Variants in MAP4K5 observed in about 807,000 individuals in gnomAD.
MAP4K5 encodes MAPK/ERK kinase kinase kinase 5.
A neutral mutation model predicts 135.6 loss-of-function variants in MAP4K5; 82 were observed. The ratio of observed to expected loss-of-function variants is 0.60; its 90% CI spans 0.51 to 0.73. The LOEUF is 0.73. MAP4K5 is among the 30% of genes least tolerant of loss of function. MAP4K5 has a pLI of 0.00. For missense variants in MAP4K5, 907 were observed against 1,010.9 expected, an observed-to-expected ratio of 0.90 and a Z score of 1.39; for synonymous variants, 347 against 335.0, an observed-to-expected ratio of 1.04 and a Z score of -0.39.
intron 2 of MAP4K5, among the ~76,000 whole-genome samples, chr14:50,505,892 T>G (rs1434630557): frequency 1.3e-5 from 2 of 151,490 alleles, no homozygotes; most frequent in Admixed American, 1.3e-4. Context: ...TTTAAATGGA[T>G]TCTAAGATAC....
intron 9 of MAP4K5, chr14:50,471,820 T>G (rs1009449001): frequency 6.6e-6 from 1 of 152,170 alleles, no homozygotes; most frequent in Non-Finnish European, 1.5e-5. Flanking sequence ...ACAGAAACCC[T>G]ATAAATGTAA....
chr14:50,527,449 C>T (rs927715622), intron 2 of MAP4K5, among the ~76,000 whole-genome samples: 4 of 150,288 alleles, frequency 2.7e-5, no homozygotes, highest in Non-Finnish European at 5.9e-5. Flanking sequence ...GAATATTTAA[C>T]GACTAGGGAA....
intron 6 of MAP4K5, among the ~76,000 whole-genome samples, chr14:50,481,454 T>TAA (rs2037241295): frequency 6.6e-6 from 1 of 151,958 alleles, no homozygotes; most frequent in Non-Finnish European, 1.5e-5. Flanking sequence ...TGGAAAATAT[T>TAA]AGAGAACAAC....
In MAP4K5 at chr14:50,464,574, C is replaced by A. The variant is rs1326019074; in HGVS notation, c.738-441G>T. Among the ~76,000 whole-genome samples the A allele has an allele frequency of 2.0e-5, 3 of 152,020 alleles. No homozygotes were observed. The East Asian group carries it at 5.8e-4, about 29-fold the overall frequency. On this transcript the variant is annotated intron_variant, in intron 11 of 32. Transcript: ENST00000682126. The stretch of plus-strand genomic sequence containing the variant: ...CTGATGAATTTCTTAGAAAAAAAGG[C>A]AAAGAGGAGGGAGCAATTTTAGCAA...
chr14:50,543,373 C>A (rs2038590217), intron 1 of MAP4K5, among the ~76,000 whole-genome samples: 1 of 152,192 alleles, frequency 6.6e-6, no homozygotes, highest in African/African-American at 2.4e-5. Flanking sequence ...GGAAGAGTGA[C>A]CTGTCATCAT....
chr14:50,523,300 A>G (rs985953529), intron 2 of MAP4K5, among the ~76,000 whole-genome samples: 22 of 152,080 alleles, frequency 1.4e-4, no homozygotes, highest in Admixed American at 1.3e-3. Flanking sequence ...AACAAGAGCG[A>G]AACTCTGTCT....
chr14:50,510,745 C>T (rs1271548122), intron 2 of MAP4K5, among the ~76,000 whole-genome samples: 1 of 152,020 alleles, frequency 6.6e-6, no homozygotes, highest in Non-Finnish European at 1.5e-5. Flanking sequence ...TAATATAAAT[C>T]AGTGAAAGAT....
intron 14 of MAP4K5, among the ~76,000 whole-genome samples, chr14:50,452,094 A>C (rs1004631429): frequency 4.6e-5 from 7 of 152,190 alleles, no homozygotes; most frequent in Non-Finnish European, 7.4e-5. Context: ...CCTAACATTA[A>C]GTATTCTGAG....
rs909401549 is a variant in MAP4K5 at position 50,419,169 on chromosome 14, C to A, written c.*850G>T. 2.2e-4 allele frequency: 33 copies of A among 152,148 alleles called. No individual in the cohort carries two copies. The highest frequency in any genetic ancestry group is 7.9e-4 in the African/African-American group (33 of 41,514). 9.4% of individuals were successfully genotyped at this position (152,148 alleles called of 1,614,324 possible). A position where few individuals can be genotyped will look rare whatever the true frequency, so the allele number is the denominator to read the frequency against. On this transcript the variant is annotated 3_prime_UTR_variant, in exon 33 of 33. Coordinates refer to ENST00000682126, the MANE Select transcript of MAP4K5 (RefSeq NM_006575.6). ...AAGATTAATTCCTTATGCATTATCC[C>A]TAATGTAAAGAAAAATCACAGGTAT...
chr14:50,504,372 C>A (rs2037766737), intron 3 of MAP4K5, among the ~76,000 whole-genome samples: 1 of 152,062 alleles, frequency 6.6e-6, no homozygotes, highest in African/African-American at 2.4e-5. Flanking sequence ...TTCTGACACA[C>A]AGAAGTGTTA....
chr14:50,480,030 G>A lies in MAP4K5; in HGVS notation c.378+2331C>T, dbSNP rs78016417. Among the ~76,000 whole-genome samples, 552 of 152,154 alleles carry A rather than the reference G, an allele frequency of 3.6e-3. 3 individuals carry two copies. Among genetic ancestry groups the A allele is most frequent in the African/African-American group, 0.013 (519 of 41,512 alleles). On this transcript the variant is annotated intron_variant, in intron 6 of 32. Coordinates refer to ENST00000682126, the MANE Select transcript of MAP4K5 (RefSeq NM_006575.6). ...TATATTTTGCCTACTTTATTTGATT[G>A]TTTTGGGTAGCATGGTAAATCTACT...
chr14:50,440,244 C>G, intron 22 of MAP4K5, 118 bp downstream of exon 22: 1 of 810,012 alleles, frequency 1.2e-6, no homozygotes, highest in South Asian at 2.1e-5. Flanking sequence ...AATTTTATCC[C>G]TTTAAATATT....
chr14:50,455,580 A>G (rs1260610756), intron 14 of MAP4K5, among the ~76,000 whole-genome samples: 2 of 152,040 alleles, frequency 1.3e-5, no homozygotes, highest in Admixed American at 1.3e-4. Context: ...AACAACTGAG[A>G]AGGGAAAGAT....
At chr14:50,423,538 G>A (rs908075272) in intron 31 of MAP4K5, among the ~76,000 whole-genome samples, 4 of 151,868 alleles carry the variant, frequency 2.6e-5, no homozygotes, top group Non-Finnish European at 5.9e-5. Context: ...AGCTCCTTTG[G>A]GGGCCAAGGC....
chr14:50,537,381 G>T (rs186684036), upstream of MAP4K5, among the ~76,000 whole-genome samples: 35 of 152,342 alleles, frequency 2.3e-4, no homozygotes, highest in Admixed American at 1.8e-3. Flanking sequence ...TTCTGCAGGG[G>T]TAGTGCCCTC....
At chr14:50,517,695 G>T (rs533171379) in intron 2 of MAP4K5, among the ~76,000 whole-genome samples, 13 of 152,136 alleles carry the variant, frequency 8.5e-5, no homozygotes, top group Admixed American at 8.5e-4. Flanking sequence ...CTTCAACCCG[G>T]GAGGCGGAGG....
chr14:50,512,548 T>C (rs563615276), intron 2 of MAP4K5, among the ~76,000 whole-genome samples: 8 of 152,274 alleles, frequency 5.3e-5, no homozygotes, highest in African/African-American at 1.4e-4. Flanking sequence ...AATACTTAAA[T>C]GTCAGCCTCC....
At chr14:50,426,446 C>T (rs550460630) in intron 30 of MAP4K5, among the ~76,000 whole-genome samples, 6 of 152,168 alleles carry the variant, frequency 3.9e-5, no homozygotes, top group African/African-American at 1.2e-4. Context: ...TAAACCTGGC[C>T]GGGCGCAGTG....
intron 3 of MAP4K5, among the ~76,000 whole-genome samples, chr14:50,504,140 C>A (rs376184837): frequency 6.6e-6 from 1 of 151,896 alleles, no homozygotes; most frequent in Admixed American, 6.6e-5. Flanking sequence ...TCATTTTAAC[C>A]GCTCAAACTA....
Sources: gnomAD v4.1 joint callset for allele counts (sites outside exome capture counted in the v4.1 genomes callset) on GRCh38, gnomAD v4.1.1 for gene constraint, MANE v1.5 for transcripts, NCBI Gene and HGNC (gene_info 2026-07-23, HGNC 2026-07-21) for gene names.